The following GRIP1 variants were observed in gnomAD, a reference collection of about 807,000 sequenced individuals.
The protein encoded by GRIP1 is glutamate receptor interacting protein 1, also known as glutamate receptor-interacting protein 1.
Under a neutral mutation model 129.9 loss-of-function variants are expected in GRIP1, and 45 were observed. That is an observed-to-expected ratio of 0.35 (90% confidence interval 0.27 to 0.44). The LOEUF is 0.44. Ranked by LOEUF, GRIP1 falls within the 20% of genes least tolerant of loss-of-function variation. GRIP1 has a pLI of 1.00. For synonymous variants in GRIP1, 530 were observed against 520.8 expected (o/e 1.02, Z -0.24); for missense variants, 1,196 against 1,396.8 (o/e 0.86, Z 2.29).
intron 1 of GRIP1, among the ~76,000 whole-genome samples, chr12:66,995,723 T>C (rs895107063): frequency 6.6e-6 from 1 of 152,148 alleles, no homozygotes; most frequent in African/African-American, 2.4e-5. Flanking sequence ...CATTGCTTGG[T>C]AAGAAGATAA....
intron 1 of GRIP1, among the ~76,000 whole-genome samples, chr12:66,980,540 G>A (rs1220635326): frequency 6.6e-6 from 1 of 152,192 alleles, no homozygotes; most frequent in African/African-American, 2.4e-5. Context: ...GAACTCAGGA[G>A]GCAGAGGTTG....
intron 1 of GRIP1, among the ~76,000 whole-genome samples, chr12:66,868,023 G>A (rs890955073): frequency 1.3e-5 from 2 of 152,100 alleles, no homozygotes; most frequent in Non-Finnish European, 2.9e-5. Context: ...GGGAAGTAAC[G>A]ATTGATAAAA....
At chr12:66,517,201 A>G (rs1444606612) in intron 6 of GRIP1, among the ~76,000 whole-genome samples, 23 of 152,176 alleles carry the variant, frequency 1.5e-4, no homozygotes, top group Admixed American at 1.4e-3. Context: ...CCATCATTAT[A>G]GAGTCAACTT....
chr12:66,403,337 T>C (rs548403427), intron 16 of GRIP1, among the ~76,000 whole-genome samples: 80 of 152,346 alleles, frequency 5.3e-4, no homozygotes, highest in African/African-American at 1.8e-3. Context: ...TTAAAACATT[T>C]GCTCTTTGTG....
chr12:66,353,772 AAGG>A (rs2137086397), intron 23 of GRIP1, among the ~76,000 whole-genome samples: 1 of 152,308 alleles, frequency 6.6e-6, no homozygotes, highest in South Asian at 2.1e-4. Flanking sequence ...AAAGCTGAAA[AAGG>A]AGGAGAACTG....
At chr12:66,887,376 G>T (rs555653407) in intron 1 of GRIP1, among the ~76,000 whole-genome samples, 12 of 152,116 alleles carry the variant, frequency 7.9e-5, no homozygotes, top group East Asian at 1.9e-4. Context: ...ACGTCCTCAG[G>T]GGTAAAATGG....
At chr12:66,926,562 A>G (rs2041299116) in intron 1 of GRIP1, among the ~76,000 whole-genome samples, 1 of 152,204 alleles carries the variant, frequency 6.6e-6, no homozygotes, top group South Asian at 2.1e-4. Context: ...CAGTTATGGA[A>G]CAGAAGGGTT....
intron 1 of GRIP1, among the ~76,000 whole-genome samples, chr12:66,687,842 C>G (rs1238120195): frequency 6.6e-6 from 1 of 152,164 alleles, no homozygotes; most frequent in Non-Finnish European, 1.5e-5. Context: ...GTGGAACATA[C>G]AATCCCTTAG....
chr12:66,946,784 A>AGGGGGGGGGGG (rs2041676293), intron 1 of GRIP1, among the ~76,000 whole-genome samples: 1 of 5,244 alleles, frequency 1.9e-4, no homozygotes, highest in African/African-American at 7.1e-4. Context: ...GGGGTGGGGG[A>AGGGGGGGGGGG]TGGGGGGGGT....
chr12:67,027,835 C>A (rs2135765427), intron 1 of GRIP1, among the ~76,000 whole-genome samples: 1 of 152,280 alleles, frequency 6.6e-6, no homozygotes, highest in South Asian at 2.1e-4. Context: ...GGACATCTGC[C>A]TTGACCTTAA....
chr12:66,992,479 G>A (rs1277254575), intron 1 of GRIP1, among the ~76,000 whole-genome samples: 1 of 152,040 alleles, frequency 6.6e-6, no homozygotes, highest in Non-Finnish European at 1.5e-5. Flanking sequence ...CTTTTTCAGA[G>A]GTATTTAAAT....
intron 2 of GRIP1, among the ~76,000 whole-genome samples, chr12:66,548,645 A>C (rs2062023203): frequency 6.6e-6 from 1 of 152,152 alleles, no homozygotes; most frequent in South Asian, 2.1e-4. Flanking sequence ...AATTTTCCGG[A>C]GTTAGAGACC....
intron 1 of GRIP1, among the ~76,000 whole-genome samples, chr12:66,988,669 A>ACC (rs2042350816): frequency 6.6e-6 from 1 of 152,096 alleles, no homozygotes; most frequent in Admixed American, 6.6e-5. Context: ...GAGCCACCGC[A>ACC]CCCAGCTAAG....
At chr12:66,975,874 G>A (rs994688239) in intron 1 of GRIP1, among the ~76,000 whole-genome samples, 7 of 152,182 alleles carry the variant, frequency 4.6e-5, no homozygotes, top group Non-Finnish European at 1.0e-4. Context: ...CAGCTGTTAA[G>A]AGCCATGCCC....
chr12:66,751,295 CAGAT>C (rs1431323982), intron 1 of GRIP1, among the ~76,000 whole-genome samples: 2 of 152,044 alleles, frequency 1.3e-5, no homozygotes, highest in African/African-American at 4.8e-5. Flanking sequence ...AAAACTAAGA[CAGAT>C]AGAGGAGTTC....
At chr12:66,540,541 CA>C (rs1337251355) in intron 3 of GRIP1, among the ~76,000 whole-genome samples, 4 of 152,134 alleles carry the variant, frequency 2.6e-5, no homozygotes, top group African/African-American at 9.7e-5. Flanking sequence ...CTAAAGAAAG[CA>C]GATTGAGGTG....
intron 7 of GRIP1, among the ~76,000 whole-genome samples, chr12:66,486,947 C>T (rs188163515): frequency 1.3e-5 from 2 of 152,042 alleles, no homozygotes; most frequent in East Asian, 3.9e-4. Flanking sequence ...TGTGCCACTG[C>T]ACCCAACGAA....
intron 23 of GRIP1, among the ~76,000 whole-genome samples, chr12:66,356,525 A>G (rs2054496772): frequency 6.6e-6 from 1 of 152,204 alleles, no homozygotes; most frequent in Admixed American, 6.5e-5. Flanking sequence ...AAGGAAGAGT[A>G]AGTCACTGGA....
intron 2 of GRIP1, among the ~76,000 whole-genome samples, chr12:66,565,278 T>C (rs1459678758): frequency 6.6e-6 from 1 of 152,366 alleles, no homozygotes; most frequent in Non-Finnish European, 1.5e-5. Context: ...AAGTCTTTAA[T>C]CCATCTTGAA....
Sources: allele counts gnomAD v4.1 joint callset (sites outside exome capture counted in the v4.1 genomes callset), GRCh38; gene constraint gnomAD v4.1.1; transcripts MANE v1.5; gene names NCBI Gene and HGNC (gene_info 2026-07-23, HGNC 2026-07-21).